The following DPY19L1 variants were observed in gnomAD, a reference collection of about 807,000 sequenced individuals.
DPY19L1 encodes dpy-19 like C-mannosyltransferase 1, also known as protein C-mannosyl-transferase DPY19L1.
A neutral mutation model predicts 96.9 loss-of-function variants in DPY19L1; 35 were observed. That is an observed-to-expected ratio of 0.36 (90% CI 0.28 to 0.48). The LOEUF (loss-of-function observed/expected upper bound fraction) is 0.48. Ranked by LOEUF, DPY19L1 falls within the 20% of genes least tolerant of loss-of-function variation. DPY19L1 has a pLI of 0.99. For synonymous variants in DPY19L1, 205 were observed against 252.6 expected (o/e 0.81, Z 1.79); for missense variants, 521 against 777.9 (o/e 0.67, Z 3.93).
rs1334084964 is a variant in DPY19L1, at chr7:35,037,448, G to T, written c.-54C>A. On this transcript the variant is annotated 5_prime_UTR_variant, in exon 1 of 22. Transcript: ENST00000638088. ...CGCGCCCGGACGGCGGCCAGAGAAC[G>T]GCGGGCTGGCTGGGCGGCTGGGCGC... is the stretch of plus-strand genomic sequence containing the variant. The T allele has an allele frequency of 3.2e-6, 1 of 312,662 alleles. No individual in the cohort carries two copies. Among genetic ancestry groups the T allele is most frequent in the Non-Finnish European group, 5.9e-6 (1 of 170,364 alleles). The allele number at this position is 312,662 out of a possible 1,614,324, so 19.4% of individuals were successfully genotyped here.
At chr7:35,019,167 TAAG>T (rs995478348) in intron 1 of DPY19L1, among the ~76,000 whole-genome samples, 4 of 152,056 alleles carry the variant, frequency 2.6e-5, no homozygotes, top group African/African-American at 9.7e-5. Flanking sequence ...AAGAACATAC[TAAG>T]ATGAACCTGG....
chr7:35,011,607 T>TA (rs1227045237), intron 4 of DPY19L1, among the ~76,000 whole-genome samples, 157 bp from the exon 5 acceptor site: 1 of 152,140 alleles, frequency 6.6e-6, no homozygotes, highest in East Asian at 1.9e-4. Flanking sequence ...CAGAATCTCC[T>TA]AGGCAGATTC....
At chr7:34,969,399 A>G (rs775151606) in intron 9 of DPY19L1, 34 bp downstream of exon 9, 2 of 1,245,714 alleles carry the variant, frequency 1.6e-6, no homozygotes, top group Non-Finnish European at 2.2e-6. Flanking sequence ...CAAACATGCT[A>G]AGCTTAAAAC....
Position 35,037,121 on chromosome 7 carries a change from G to T in DPY19L1, c.274C>A (p.Arg92=). The change falls in exon 1 of 22, where the codon CGG becomes AGG. Residue 92 remains arginine, a synonymous_variant. Transcript: ENST00000638088. ...ALGLRRAGRG[R]TWTTLLLAVF... is the part of the protein sequence containing the mutation. ...CCTAACAGGAGCGTGGTCCAGGTCC[G>T]GCCGCGCCCCGCGCGCCGCAGGCCC... 1.5e-5 allele frequency: 3 copies of T among 202,716 alleles called. No individual in the cohort carries two copies. Among genetic ancestry groups the T allele is most frequent in the South Asian group, 1.8e-4 (1 of 5,546 alleles). 12.6% of individuals were successfully genotyped at this position (202,716 alleles called of 1,614,324 possible). A position where few individuals can be genotyped will look rare whatever the true frequency, so the allele number is the denominator to read the frequency against.
chr7:35,007,247 C>G (rs1785582713), intron 6 of DPY19L1, among the ~76,000 whole-genome samples: 1 of 152,138 alleles, frequency 6.6e-6, no homozygotes, highest in East Asian at 1.9e-4. Flanking sequence ...GTTAACGATG[C>G]CTTTGAATAG....
At chr7:35,021,094 C>T (rs1785985695) in intron 1 of DPY19L1, among the ~76,000 whole-genome samples, 2 of 152,106 alleles carry the variant, frequency 1.3e-5, no homozygotes, top group African/African-American at 4.8e-5. Context: ...TTATTCCTGA[C>T]AAAAACAATA....
intron 10 of DPY19L1, among the ~76,000 whole-genome samples, chr7:34,961,896 A>G (rs1463051564): frequency 3.3e-5 from 5 of 152,222 alleles, no homozygotes; most frequent in Non-Finnish European, 7.3e-5. Context: ...AATTAAAACA[A>G]TGAGATACCA....
At chr7:34,959,303 T>C (rs1322478543) in intron 10 of DPY19L1, among the ~76,000 whole-genome samples, 1 of 152,208 alleles carries the variant, frequency 6.6e-6, no homozygotes, top group Non-Finnish European at 1.5e-5. Context: ...GAAGATAGTG[T>C]GACAATTCCT....
intron 6 of DPY19L1, among the ~76,000 whole-genome samples, chr7:35,006,880 A>C (rs13224553): frequency 0.059 from 8,956 of 152,298 alleles, 362 homozygotes; most frequent in Middle Eastern, 0.18. Context: ...CTGAATTTAA[A>C]ATGTCACAGT....
intron 9 of DPY19L1, among the ~76,000 whole-genome samples, chr7:34,969,186 A>T (rs1232340155): frequency 6.6e-6 from 1 of 152,226 alleles, no homozygotes; most frequent in Non-Finnish European, 1.5e-5. Context: ...TTTGAGTTCA[A>T]TAAATGCATT....
At chr7:34,983,562 G>C (rs537828322) in intron 7 of DPY19L1, among the ~76,000 whole-genome samples, 1 of 149,822 alleles carries the variant, frequency 6.7e-6, no homozygotes, top group Non-Finnish European at 1.5e-5. Flanking sequence ...GAGGGAGGGA[G>C]GGAGGGATGG....
At position 34,929,412 on chromosome 7, in the gene DPY19L1, T is replaced by C. The variant is rs1343802077; in HGVS notation, c.*2161A>G. On this transcript the variant is annotated 3_prime_UTR_variant, in exon 22 of 22. Coordinates refer to ENST00000638088, the MANE Select transcript of DPY19L1 (RefSeq NM_001366673.1). ...ATTCATAAACACTGCTACAAAAGGA[T>C]CCTTCTGGAAAAAGCTAATTTATAT... 1 of 152,168 alleles carries C rather than the reference T, an allele frequency of 6.6e-6. No individual in the cohort carries two copies. Among genetic ancestry groups the C allele is most frequent in the African/African-American group, 2.4e-5 (1 of 41,424 alleles). The allele number at this position is 152,168 out of a possible 1,614,324, so 9.4% of individuals were successfully genotyped here. A position where few individuals can be genotyped will look rare whatever the true frequency, so the allele number is the denominator to read the frequency against.
At chr7:35,036,791 T>A (rs775100448) in intron 1 of DPY19L1, among the ~76,000 whole-genome samples, 1 of 151,882 alleles carries the variant, frequency 6.6e-6, no homozygotes, top group African/African-American at 2.4e-5. Context: ...CAAGTCTCGT[T>A]AGCGCAGACC....
At position 35,011,454 on chromosome 7, in the gene DPY19L1, T is replaced by A; in HGVS notation, c.550-4A>T. The A allele has an allele frequency of 6.3e-7, 1 of 1,593,440 alleles. No individual in the cohort carries two copies. The highest frequency in any genetic ancestry group is 8.5e-7 in the Non-Finnish European group (1 of 1,173,988). ...GGTACCAACTGGCCAAAATTACCTA[T>A]TTTAAAAAATACAGAGGCATCTTAA... is the stretch of plus-strand genomic sequence containing the variant. On this transcript the variant is annotated splice_region_variant and splice_polypyrimidine_tract_variant and intron_variant, in intron 4 of 21. Coordinates refer to ENST00000638088, the MANE Select transcript of DPY19L1 (RefSeq NM_001366673.1).
intron 10 of DPY19L1, among the ~76,000 whole-genome samples, chr7:34,959,978 A>G (rs1223141502): frequency 1.4e-5 from 2 of 145,306 alleles, no homozygotes; most frequent in East Asian, 3.9e-4. Flanking sequence ...AAGTAAACAT[A>G]TTGTAAATAT....
chr7:34,980,830 C>T (rs1233074150), intron 7 of DPY19L1, among the ~76,000 whole-genome samples: 7 of 152,136 alleles, frequency 4.6e-5, no homozygotes, highest in Non-Finnish European at 1.0e-4. Context: ...CTGGAATTAT[C>T]GTACATTGCC....
intron 6 of DPY19L1, among the ~76,000 whole-genome samples, chr7:34,999,952 C>T (rs376687151): frequency 2.6e-5 from 4 of 152,130 alleles, no homozygotes; most frequent in East Asian, 3.8e-4. Context: ...AAGTGGCTTT[C>T]CCTAGACAAA....
chr7:35,016,661 C>T (rs1785854667), intron 3 of DPY19L1, among the ~76,000 whole-genome samples: 1 of 152,206 alleles, frequency 6.6e-6, no homozygotes, highest in South Asian at 2.1e-4. Flanking sequence ...TCACTCTTAA[C>T]ATCACAGAAA....
chr7:35,014,205 T>G (rs2893490), intron 3 of DPY19L1, among the ~76,000 whole-genome samples: 29,834 of 152,122 alleles, frequency 0.2, 3,300 homozygotes, highest in Admixed American at 0.35. Context: ...ACTGATGTAT[T>G]ATTACATATG....
Sources: gnomAD v4.1 joint callset for allele counts (sites outside exome capture counted in the v4.1 genomes callset) on GRCh38, gnomAD v4.1.1 for gene constraint, MANE v1.5 for transcripts, NCBI Gene and HGNC (gene_info 2026-07-23, HGNC 2026-07-21) for gene names.